The following PLD5 variants were observed in gnomAD, a reference collection of about 807,000 sequenced individuals.
The protein encoded by PLD5 is phospholipase D family member 5.
A neutral mutation model predicts 61.1 loss-of-function variants in PLD5; 36 were observed. That is an observed-to-expected ratio of 0.59 (90% CI 0.45 to 0.78). PLD5 has a LOEUF of 0.78. Among genes scored for constraint, PLD5 ranks in the 30% least tolerant of loss-of-function variants. The pLI is 0.00. For missense variants in PLD5, 515 were observed against 644.4 expected, an observed-to-expected ratio of 0.80 and a Z score of 2.17; for synonymous variants, 243 against 242.8, an observed-to-expected ratio of 1.00 and a Z score of -0.01.
chr1:242,317,851 G>A (rs1267117592), intron 2 of PLD5, among the ~76,000 whole-genome samples: 1 of 152,140 alleles, frequency 6.6e-6, no homozygotes, highest in African/African-American at 2.4e-5. Flanking sequence ...GAGGAAGAAG[G>A]GTTGAGAGCC....
At chr1:242,246,900 A>G (rs1460176485) in intron 4 of PLD5, among the ~76,000 whole-genome samples, 4 of 152,156 alleles carry the variant, frequency 2.6e-5, no homozygotes, top group Non-Finnish European at 5.9e-5. Context: ...CATGGAAGGC[A>G]TACATTGGCT....
At chr1:242,216,554 A>T (rs867527162) in intron 5 of PLD5, among the ~76,000 whole-genome samples, 1 of 152,128 alleles carries the variant, frequency 6.6e-6, no homozygotes, top group African/African-American at 2.4e-5. Flanking sequence ...GGAAATCAGC[A>T]ATGTCAATTA....
At position 242,089,856 on chromosome 1, in the gene PLD5, A is replaced by G. The variant is rs773047156; in HGVS notation, c.1609T>C (p.Ter537GlnextTer32). ...GTCCTGTCAGTTTCTTCATCATGTTATACGTTCCGGGGATCCTTTCCGCCT... is the reference window on the plus strand; with the variant it reads ...GTCCTGTCAGTTTCTTCATCATGTTGTACGTTCCGGGGATCCTTTCCGCCT... ...DTGGKDPRNV[*>Q] Residue 537 changes from the stop codon to glutamine, a stop_lost, in exon 10 of 10, where the codon TAA becomes CAA. Coordinates refer to ENST00000536534, the MANE Select transcript of PLD5 (RefSeq NM_001372062.1). 6.2e-7 allele frequency: 1 copy of G among 1,614,172 alleles called. No individual in the cohort carries two copies. Among genetic ancestry groups the G allele is most frequent in the Non-Finnish European group, 8.5e-7 (1 of 1,180,026 alleles).
intron 8 of PLD5, among the ~76,000 whole-genome samples, chr1:242,105,085 T>G (rs1209033071): frequency 6.6e-6 from 1 of 152,156 alleles, no homozygotes; most frequent in Non-Finnish European, 1.5e-5. Context: ...TGAAAACTCA[T>G]GTTATACAGT....
At chr1:242,132,822 G>A (rs1663396004) in intron 5 of PLD5, among the ~76,000 whole-genome samples, 1 of 152,110 alleles carries the variant, frequency 6.6e-6, no homozygotes, top group Admixed American at 6.5e-5. Context: ...AAGAGACAGG[G>A]GAGGATGTTA....
At chr1:242,246,403 T>C (rs1447284950) in intron 4 of PLD5, among the ~76,000 whole-genome samples, 1 of 150,378 alleles carries the variant, frequency 6.6e-6, no homozygotes, top group African/African-American at 2.5e-5. Flanking sequence ...GTCACACAAG[T>C]GACAAAGCCA....
intron 2 of PLD5, among the ~76,000 whole-genome samples, chr1:242,337,919 C>T (rs2796094): frequency 6.6e-6 from 1 of 152,238 alleles, no homozygotes; most frequent in East Asian, 1.9e-4. Flanking sequence ...TTGTCGTTCA[C>T]GTTGGTTTGC....
intron 1 of PLD5, among the ~76,000 whole-genome samples, chr1:242,485,250 GA>G (rs1198315216): frequency 6.6e-6 from 1 of 152,052 alleles, no homozygotes. Flanking sequence ...ATTCAATTAG[GA>G]AAAAAGGAAG....
Position 242,165,801 on chromosome 1 carries a change from G to A in PLD5, c.736-41136C>T, listed in dbSNP as rs373354257. ...ATGATGAGAACTCAGAAGCATCTCT[G>A]CCACCTACCTGACTGGGTTCCTCGT... On this transcript the variant is annotated intron_variant, in intron 5 of 9. Transcript: ENST00000536534. Among the ~76,000 whole-genome samples the A allele has an allele frequency of 5.3e-5, 8 of 152,246 alleles. No homozygotes were observed. The East Asian group carries it at 1.5e-3, about 29-fold the overall frequency.
intron 1 of PLD5, among the ~76,000 whole-genome samples, chr1:242,481,051 A>T (rs1323358014): frequency 2.6e-5 from 4 of 152,206 alleles, no homozygotes; most frequent in Non-Finnish European, 5.9e-5. Flanking sequence ...AAATTAAAAC[A>T]TATGGCCAAA....
At chr1:242,237,318 A>G (rs542522706) in intron 4 of PLD5, among the ~76,000 whole-genome samples, 1 of 53,770 alleles carries the variant, frequency 1.9e-5, no homozygotes, top group South Asian at 1.2e-3. Context: ...ATGAGTTAAG[A>G]AAAAAAAAAC....
At chr1:242,250,161 G>A (rs1430506539) in intron 4 of PLD5, among the ~76,000 whole-genome samples, 1 of 152,104 alleles carries the variant, frequency 6.6e-6, no homozygotes, top group Non-Finnish European at 1.5e-5. Flanking sequence ...AGAGAAAAAC[G>A]GTATACTCAG....
intron 1 of PLD5, among the ~76,000 whole-genome samples, chr1:242,387,564 G>A (rs893285089): frequency 2.6e-5 from 4 of 151,550 alleles, no homozygotes; most frequent in African/African-American, 9.7e-5. Context: ...TTTGGCTGGT[G>A]ATATGTATAT....
intron 5 of PLD5, among the ~76,000 whole-genome samples, chr1:242,218,374 A>C (rs1478816324): frequency 6.6e-6 from 1 of 152,250 alleles, no homozygotes; most frequent in Non-Finnish European, 1.5e-5. Context: ...AATCCAAAAA[A>C]ATTGTGTGAC....
At chr1:242,108,062 A>T (rs1279535848) in intron 7 of PLD5, among the ~76,000 whole-genome samples, 3 of 152,096 alleles carry the variant, frequency 2.0e-5, no homozygotes, top group Non-Finnish European at 4.4e-5. Context: ...GAGGTTTCCT[A>T]CCACCAGGTC....
At chr1:242,166,396 T>C (rs1272947208) in intron 5 of PLD5, among the ~76,000 whole-genome samples, 1 of 152,234 alleles carries the variant, frequency 6.6e-6, no homozygotes, top group African/African-American at 2.4e-5. Flanking sequence ...CTAGCCACTC[T>C]GGTGCTGAAA....
chr1:242,361,779 A>G (rs1460337193), intron 1 of PLD5, among the ~76,000 whole-genome samples: 1 of 152,178 alleles, frequency 6.6e-6, no homozygotes, highest in Non-Finnish European at 1.5e-5. Context: ...CTAACTAGAG[A>G]AAGTATTACA....
At chr1:242,198,165 C>T (rs1046170361) in intron 5 of PLD5, among the ~76,000 whole-genome samples, 2 of 152,126 alleles carry the variant, frequency 1.3e-5, no homozygotes, top group South Asian at 2.1e-4. Context: ...CACTAGTTTG[C>T]GGCAGGCCAA....
intron 5 of PLD5, among the ~76,000 whole-genome samples, chr1:242,200,987 T>C (rs1449899212): frequency 6.6e-6 from 1 of 152,234 alleles, no homozygotes; most frequent in African/African-American, 2.4e-5. Context: ...AGAACAAATG[T>C]ATCTAACACC....
Sources: gnomAD v4.1 joint callset for allele counts (sites outside exome capture counted in the v4.1 genomes callset) on GRCh38, gnomAD v4.1.1 for gene constraint, MANE v1.5 for transcripts, NCBI Gene and HGNC (gene_info 2026-07-23, HGNC 2026-07-21) for gene names.